BBS9: variants seen among roughly 807,000 people sequenced by gnomAD.
BBS9 encodes Bardet-Biedl syndrome 9.
BBS9 carries 89 observed loss-of-function variants against 117.7 expected under a neutral mutation model. The ratio of observed to expected loss-of-function variants is 0.76; its 90% confidence interval spans 0.64 to 0.90. The LOEUF (loss-of-function observed/expected upper bound fraction) is 0.90, where lower values mean the gene tolerates loss of function less well. Ranked by LOEUF, BBS9 falls within the 40% of genes least tolerant of loss-of-function variation. The probability of loss-of-function intolerance (pLI) is 0.00; values close to 1 mark genes in which losing one functional copy is unlikely to be tolerated. For synonymous variants in BBS9, 379 were observed against 370.9 expected, an observed-to-expected ratio of 1.02 and a Z score of -0.25; for missense variants, 982 against 1,042.2, an observed-to-expected ratio of 0.94 and a Z score of 0.80.
At chr7:33,353,114 A>G (rs1381407914) in intron 15 of BBS9, among the ~76,000 whole-genome samples, 1 of 152,166 alleles carries the variant, frequency 6.6e-6, no homozygotes. Flanking sequence ...GTAAAAATAG[A>G]ATGTCTTTTT....
chr7:33,512,605 A>G (rs1176735464), intron 20 of BBS9, among the ~76,000 whole-genome samples: 1 of 152,214 alleles, frequency 6.6e-6, no homozygotes, highest in Non-Finnish European at 1.5e-5. Context: ...AGGTGTGTTT[A>G]TATTAGTTTA....
chr7:33,608,025 C>A (rs1332235280), downstream of BBS9, among the ~76,000 whole-genome samples: 1 of 151,880 alleles, frequency 6.6e-6, no homozygotes, highest in Non-Finnish European at 1.5e-5. Flanking sequence ...TACCCAATAG[C>A]TATTTTTTAA....
At chr7:33,410,454 C>A (rs1046553665) in intron 19 of BBS9, among the ~76,000 whole-genome samples, 4 of 152,130 alleles carry the variant, frequency 2.6e-5, no homozygotes, top group African/African-American at 9.7e-5. Flanking sequence ...CCATTTCTCC[C>A]AGGTAGTCAG....
At chr7:33,197,412 G>A (rs890016867) in intron 5 of BBS9, among the ~76,000 whole-genome samples, 1 of 151,980 alleles carries the variant, frequency 6.6e-6, no homozygotes, top group Admixed American at 6.6e-5. Flanking sequence ...ACAACACATT[G>A]CCATGAGAAA....
intron 6 of BBS9, among the ~76,000 whole-genome samples, 156 bp downstream of exon 6, chr7:33,257,566 A>G (rs1283128058): frequency 1.3e-5 from 2 of 152,224 alleles, no homozygotes; most frequent in Non-Finnish European, 2.9e-5. Flanking sequence ...ATCATTTACT[A>G]TTGTAAAATA....
intron 13 of BBS9, among the ~76,000 whole-genome samples, chr7:33,350,318 G>A (rs1428994026): frequency 6.6e-6 from 1 of 152,070 alleles, no homozygotes; most frequent in African/African-American, 2.4e-5. Context: ...ATGAATAAAC[G>A]ATTGAGTGAA....
chr7:33,416,572 G>A (rs1384236606), intron 19 of BBS9, among the ~76,000 whole-genome samples: 1 of 152,000 alleles, frequency 6.6e-6, no homozygotes, highest in African/African-American at 2.4e-5. Flanking sequence ...ATTCATTTAT[G>A]CAACAAATGT....
At chr7:33,482,596 C>T (rs1268579978) in intron 19 of BBS9, among the ~76,000 whole-genome samples, 1 of 152,150 alleles carries the variant, frequency 6.6e-6, no homozygotes, top group Admixed American at 6.5e-5. Context: ...TTTCTCTCCC[C>T]TAATTACTAA....
intron 5 of BBS9, among the ~76,000 whole-genome samples, chr7:33,252,905 A>C (rs1266881380): frequency 6.6e-6 from 1 of 152,160 alleles, no homozygotes; most frequent in Non-Finnish European, 1.5e-5. Context: ...GAAAAAGTAA[A>C]ATGAAAACCC....
At chr7:33,404,412 T>C (rs1829541558) in intron 19 of BBS9, among the ~76,000 whole-genome samples, 2 of 152,136 alleles carry the variant, frequency 1.3e-5, no homozygotes, top group Non-Finnish European at 2.9e-5. Context: ...GGGATGGCAT[T>C]GAATCTATAA....
intron 19 of BBS9, among the ~76,000 whole-genome samples, chr7:33,414,777 A>G (rs748549897): frequency 2.6e-5 from 4 of 152,166 alleles, no homozygotes; most frequent in Non-Finnish European, 5.9e-5. Flanking sequence ...AACATTCATG[A>G]CTATTTTCTT....
At chr7:33,456,494 AT>A (rs766747760) in intron 19 of BBS9, among the ~76,000 whole-genome samples, 23 of 152,118 alleles carry the variant, frequency 1.5e-4, no homozygotes, top group Non-Finnish European at 3.1e-4. Context: ...ATACAAAGTT[AT>A]TTTTAAGTGG....
intron 21 of BBS9, among the ~76,000 whole-genome samples, chr7:33,595,970 G>GT (rs1862683878): frequency 6.6e-6 from 1 of 151,866 alleles, no homozygotes; most frequent in African/African-American, 2.4e-5. Context: ...GAGTGGAACA[G>GT]TGAGAACACA....
intron 9 of BBS9, among the ~76,000 whole-genome samples, chr7:33,291,945 C>T (rs1804134216): frequency 6.6e-6 from 1 of 152,164 alleles, no homozygotes; most frequent in African/African-American, 2.4e-5. Context: ...GAACTACCTT[C>T]TCCAGCTGAA....
At chr7:33,384,056 G>T (rs926458051) in intron 18 of BBS9, among the ~76,000 whole-genome samples, 19 of 152,146 alleles carry the variant, frequency 1.2e-4, no homozygotes, top group African/African-American at 4.3e-4. Flanking sequence ...TAACCATGTC[G>T]TCTGGCCCTG....
intron 21 of BBS9, among the ~76,000 whole-genome samples, chr7:33,576,671 A>G (rs1050503850): frequency 2.0e-5 from 3 of 152,212 alleles, no homozygotes; most frequent in East Asian, 1.9e-4. Flanking sequence ...ACAAGGCTAC[A>G]GTAACCAAAA....
intron 9 of BBS9, among the ~76,000 whole-genome samples, chr7:33,321,521 T>A (rs1811710157): frequency 6.6e-6 from 1 of 152,176 alleles, no homozygotes; most frequent in Admixed American, 6.5e-5. Context: ...GGTGTCTTTT[T>A]CAGATTGTTC....
intron 19 of BBS9, among the ~76,000 whole-genome samples, chr7:33,394,621 T>C (rs1333288477): frequency 6.6e-6 from 1 of 152,214 alleles, no homozygotes. Context: ...TCTTTACTTC[T>C]AGCTTTGGAG....
intron 21 of BBS9, among the ~76,000 whole-genome samples, chr7:33,634,282 T>A (rs1388859917): frequency 6.6e-6 from 1 of 152,196 alleles, no homozygotes; most frequent in East Asian, 1.9e-4. Flanking sequence ...GCCTAAAGGC[T>A]CCTGTCCTTG....
Sources: gnomAD v4.1 joint callset for allele counts (sites outside exome capture counted in the v4.1 genomes callset) on GRCh38, gnomAD v4.1.1 for gene constraint, MANE v1.5 for transcripts, NCBI Gene and HGNC (gene_info 2026-07-23, HGNC 2026-07-21) for gene names.